The following MYT1 variants were observed in gnomAD, a reference collection of about 807,000 sequenced individuals.
MYT1 encodes myelin transcription factor 1, also known as myelin transcription factor I.
Under a neutral mutation model 123.0 loss-of-function variants are expected in MYT1, and 23 were observed. The ratio of observed to expected loss-of-function variants is 0.19; its 90% CI spans 0.13 to 0.26. MYT1 has a LOEUF of 0.26. MYT1 is among the 10% of genes least tolerant of loss of function. The pLI, the probability that MYT1 is intolerant of heterozygous loss-of-function variation, is 1.00. For synonymous variants in MYT1, 518 were observed against 575.3 expected, an observed-to-expected ratio of 0.90 and a Z score of 1.43; for missense variants, 1,125 against 1,472.5, an observed-to-expected ratio of 0.76 and a Z score of 3.86.
At chr20:64,171,283 T>G (rs1236265692) in intron 1 of MYT1, among the ~76,000 whole-genome samples, 1 of 152,164 alleles carries the variant, frequency 6.6e-6, no homozygotes, top group East Asian at 1.9e-4. Context: ...CATCCAGCGG[T>G]AAGTCCTGTA....
Position 64,212,100 on chromosome 20 carries a change from C to T in MYT1, c.1479C>T (p.Gly493=), listed in dbSNP as rs768733771. Residue 493 remains glycine (G), a synonymous_variant, in exon 9 of 23, where the codon GGC becomes GGT. Coordinates refer to ENST00000328439, the MANE Select transcript of MYT1 (RefSeq NM_004535.3). The surrounding 1 kb of genome is among the most constrained non-coding windows in gnomAD (Gnocchi z 6.8). ...VLKCPTPGCT[G]QGHVNSNRNT... ...AGTGCCCCACTCCTGGCTGCACAGG[C>T]CAGGGTCACGTGAACAGCAACCGCA... The T allele has an allele frequency of 4.3e-6, 7 of 1,613,748 alleles. No homozygotes were observed. The South Asian group carries it at 5.5e-5, about 13-fold the overall frequency.
rs771676026 is a variant in MYT1, at chr20:64,236,511, G to A, written c.2898-44G>A. The A allele has an allele frequency of 7.2e-6, 11 of 1,529,292 alleles. No individual in the cohort carries two copies. In the Admixed American group the frequency reaches 1.7e-4, roughly 23 times the overall value. The allele number at this position is 1,529,292 out of a possible 1,614,324, so 94.7% of individuals were successfully genotyped here. On this transcript the variant is annotated intron_variant, in intron 19 of 22. Coordinates refer to ENST00000328439, the MANE Select transcript of MYT1 (RefSeq NM_004535.3). ...TATGTGACCCTGGGATGGTCGTGGT[G>A]GGTGACCCTGGGCTGGTGAATGATA...
At chr20:64,222,171 C>G (rs901228096) in intron 14 of MYT1, 124 bp downstream of exon 14, 5 of 1,062,318 alleles carry the variant, frequency 4.7e-6, no homozygotes, top group Non-Finnish European at 6.8e-6. Context: ...TCCTGACCAC[C>G]TCGAGCCAGG....
chr20:64,164,722 C>T lies in MYT1; in HGVS notation c.-116C>T, dbSNP rs569254037. On this transcript the variant is annotated 5_prime_UTR_variant, in exon 1 of 23. It introduces an in-frame stop codon into an upstream open reading frame of the 5' UTR. Coordinates refer to ENST00000328439, the MANE Select transcript of MYT1 (RefSeq NM_004535.3). ...TGATGTCATTTTGAAAGAGGACAGA[C>T]AATAGCTGTGGGGAAAGGTAAGTCA... 1 of 152,154 alleles carries T rather than the reference C, an allele frequency of 6.6e-6. No individual in the cohort carries two copies. Among genetic ancestry groups the T allele is most frequent in the African/African-American group, 2.4e-5 (1 of 41,496 alleles). The allele number at this position is 152,154 out of a possible 1,614,324, so 9.4% of individuals were successfully genotyped here. A position where few individuals can be genotyped will look rare whatever the true frequency, so the allele number is the denominator to read the frequency against.
chr20:64,172,484 C>A (rs1413311284), intron 1 of MYT1, among the ~76,000 whole-genome samples: 1 of 152,212 alleles, frequency 6.6e-6, no homozygotes, highest in Non-Finnish European at 1.5e-5. Context: ...GATGCCCCTC[C>A]TAGTGGAATT....
In MYT1 at chr20:64,167,746, C is replaced by T. The variant is rs182978042; in HGVS notation, c.-99+3007C>T. 2.6e-5 allele frequency among the ~76,000 whole-genome samples: 4 copies of T among 152,362 alleles called. No homozygotes were observed. The highest frequency in any genetic ancestry group is 7.2e-5 in the African/African-American group (3 of 41,584). Reference sequence around the variant, plus strand: ...TCTCTTTCTTCCTCTCTCCCATCTTCCTCATCTTAGATCCTCCCCCTCTGC... The same window carrying T: ...TCTCTTTCTTCCTCTCTCCCATCTTTCTCATCTTAGATCCTCCCCCTCTGC... On this transcript the variant is annotated intron_variant, in intron 1 of 22. Coordinates refer to ENST00000328439, the MANE Select transcript of MYT1 (RefSeq NM_004535.3). The surrounding 1 kb of genome is among the most constrained non-coding windows in gnomAD (Gnocchi z 6.3).
At chr20:64,180,900 G>A (rs79373835) in intron 1 of MYT1, among the ~76,000 whole-genome samples, 2,529 of 152,304 alleles carry the variant, frequency 0.017, 37 homozygotes, top group South Asian at 0.07. Context: ...CCCTGCCCTC[G>A]CTTCCCTTAC....
intron 12 of MYT1, among the ~76,000 whole-genome samples, 193 bp from the exon 13 acceptor site, chr20:64,219,520 G>T (rs1481040706): frequency 3.9e-5 from 6 of 152,196 alleles, no homozygotes; most frequent in African/African-American, 1.4e-4. Context: ...AAGAGGAATT[G>T]TAGGGCCCCC....
chr20:64,226,529 C>G (rs2145728463), intron 16 of MYT1, among the ~76,000 whole-genome samples: 1 of 152,336 alleles, frequency 6.6e-6, no homozygotes, highest in South Asian at 2.1e-4. Context: ...TCTTGCCTGG[C>G]TCCTGCAGGG....
chr20:64,240,051 G>T, intron 22 of MYT1, 148 bp downstream of exon 22: 1 of 1,292,928 alleles, frequency 7.7e-7, no homozygotes, highest in Non-Finnish European at 1.1e-6. Flanking sequence ...CACCCCGAAT[G>T]GCCCGGGCTG....
chr20:64,195,623 T>G (rs984992431), intron 2 of MYT1, among the ~76,000 whole-genome samples: 21 of 151,698 alleles, frequency 1.4e-4, no homozygotes, highest in Non-Finnish European at 2.4e-4. Flanking sequence ...CATGAACTCC[T>G]GACCTCAAGT....
chr20:64,177,874 C>T (rs1271709136), intron 1 of MYT1, among the ~76,000 whole-genome samples: 1 of 152,222 alleles, frequency 6.6e-6, no homozygotes, highest in Non-Finnish European at 1.5e-5. Context: ...TCTCAGGTGC[C>T]TGGTCCCCTG....
rs897318324 is a variant in MYT1, at chr20:64,196,162, A to G, written c.1-2700A>G. On this transcript the variant is annotated intron_variant, in intron 2 of 22. Coordinates refer to ENST00000328439, the MANE Select transcript of MYT1 (RefSeq NM_004535.3). The surrounding 1 kb of genome is among the most constrained non-coding windows in gnomAD (Gnocchi z 4.3). ...TGGTTGGCTTGTGTTTGGAACAAGT[A>G]AAGTGTGTTTTAAAAATCAATGAAA... Among the ~76,000 whole-genome samples the G allele has an allele frequency of 1.3e-5, 2 of 152,214 alleles. No homozygotes were observed. The highest frequency in any genetic ancestry group is 2.9e-5 in the Non-Finnish European group (2 of 68,050).
At chr20:64,223,022 T>C (rs1421604610) in intron 14 of MYT1, 89 bp from the exon 15 acceptor site, 1 of 1,467,502 alleles carries the variant, frequency 6.8e-7, no homozygotes, top group Non-Finnish European at 9.5e-7. Flanking sequence ...GAGCCAGGAG[T>C]GGGCACCAGT....
chr20:64,239,869 T>C lies in MYT1; in HGVS notation c.3203T>C (p.Ile1068Thr). The part of the protein sequence containing the change: ...LELSGLSQAL[I>T]QSLANIRLPH... Reference sequence around the variant, plus strand: ...CTGTCCGGCCTGAGCCAGGCCCTCATCCAAAGTCTCGCCAATATCCGCCTT... The same window carrying C: ...CTGTCCGGCCTGAGCCAGGCCCTCACCCAAAGTCTCGCCAATATCCGCCTT... Residue 1068 changes from isoleucine (I) to threonine (T), a missense_variant, in exon 22 of 23, where the codon ATC becomes ACC. By Grantham distance (89) the Ile-to-Thr change is moderately conservative. Around this residue, in one of 4 missense-constraint regions of MYT1, gnomAD observed 243 missense variants for 323.1 expected, o/e 0.75. Coordinates refer to ENST00000328439, the MANE Select transcript of MYT1 (RefSeq NM_004535.3). 1 of 1,613,600 alleles carries C rather than the reference T, an allele frequency of 6.2e-7. No homozygotes were observed. The highest frequency in any genetic ancestry group is 8.5e-7 in the Non-Finnish European group (1 of 1,180,022).
At position 64,189,971 on chromosome 20, in the gene MYT1, G is replaced by A. The variant is rs1377507868; in HGVS notation, c.-98-92G>A. 6.6e-6 allele frequency: 1 copy of A among 152,646 alleles called. No homozygotes were observed. Among genetic ancestry groups the A allele is most frequent in the Admixed American group, 6.5e-5 (1 of 15,278 alleles). The allele number at this position is 152,646 out of a possible 1,614,324, so 9.5% of individuals were successfully genotyped here. ...ATTGAATATATGATGTTAAAAAAGT[G>A]CCTCAAGTTTCTCACTTTCTCCCCT... On this transcript the variant is annotated intron_variant, in intron 1 of 22. Transcript: ENST00000328439. This position sits in a 1 kb window ranked among gnomAD's most constrained non-coding sequence, Gnocchi z 5.5.
intron 1 of MYT1, among the ~76,000 whole-genome samples, chr20:64,175,277 TCTC>T (rs201275247): frequency 7.4e-3 from 103 of 13,978 alleles, no homozygotes; most frequent in Non-Finnish European, 0.01. Context: ...CTCCCTGGCT[TCTC>T]CTGCAGCATC....
intron 1 of MYT1, among the ~76,000 whole-genome samples, chr20:64,173,902 C>T (rs351888): frequency 2.1e-4 from 1 of 4,846 alleles, no homozygotes; most frequent in Admixed American, 3.0e-3. Flanking sequence ...GCATCTTTCC[C>T]TGTAGTTGTG....
In MYT1 at chr20:64,241,796, A is replaced by G. The variant is rs1285927116; in HGVS notation, c.*1348A>G. 1 of 152,560 alleles carries G rather than the reference A, an allele frequency of 6.6e-6. No homozygotes were observed. Among genetic ancestry groups the G allele is most frequent in the Non-Finnish European group, 1.5e-5 (1 of 68,012 alleles). 9.5% of individuals were successfully genotyped at this position (152,560 alleles called of 1,614,324 possible). On this transcript the variant is annotated 3_prime_UTR_variant, in exon 23 of 23. Transcript: ENST00000328439. This position sits in a 1 kb window ranked among gnomAD's most constrained non-coding sequence, Gnocchi z 4.2. ...GATGCAACCAAGTTATTTTTTATATATTTTGTTATTTATTCTTTTAATAAT... is the reference window on the plus strand; with the variant it reads ...GATGCAACCAAGTTATTTTTTATATGTTTTGTTATTTATTCTTTTAATAAT...
Sources: allele counts gnomAD v4.1 joint callset (sites outside exome capture counted in the v4.1 genomes callset), GRCh38; gene constraint gnomAD v4.1.1; regional missense constraint gnomAD v4.1.1; non-coding constraint Gnocchi (gnomAD v3.1); transcripts MANE v1.5; gene names NCBI Gene and HGNC (gene_info 2026-07-23, HGNC 2026-07-21).